The following GCNT4 variants were observed in gnomAD, a reference collection of about 807,000 sequenced individuals.
GCNT4 encodes the protein beta-1,3-galactosyl-O-glycosyl-glycoprotein beta-1,6-N-acetylglucosaminyltransferase 4.
Under a neutral mutation model 31.3 loss-of-function variants are expected in GCNT4, and 17 were observed. The ratio of observed to expected loss-of-function variants is 0.54; its 90% CI spans 0.37 to 0.81. The LOEUF (loss-of-function observed/expected upper bound fraction) is 0.81. GCNT4 is among the 40% of genes least tolerant of loss of function. The pLI, the probability that GCNT4 is intolerant of heterozygous loss-of-function variation, is 0.00. For missense variants in GCNT4, 503 were observed against 525.5 expected, an observed-to-expected ratio of 0.96 and a Z score of 0.42; for synonymous variants, 158 against 190.6, an observed-to-expected ratio of 0.83 and a Z score of 1.41.
chr5:75,040,732 A>G (rs1471191437), intron 3 of GCNT4, among the ~76,000 whole-genome samples: 5 of 152,222 alleles, frequency 3.3e-5, no homozygotes, highest in African/African-American at 4.8e-5. Flanking sequence ...AGAAAGAGTC[A>G]ATGTGTTATA....
chr5:75,041,655 G>A (rs185222329), intron 3 of GCNT4, among the ~76,000 whole-genome samples: 2 of 152,242 alleles, frequency 1.3e-5, no homozygotes, highest in African/African-American at 4.8e-5. Flanking sequence ...GACCTCTCAA[G>A]GTCATTGGAA....
chr5:75,032,565 A>G (rs893132312), intron 3 of GCNT4, among the ~76,000 whole-genome samples: 7 of 152,066 alleles, frequency 4.6e-5, no homozygotes, highest in Admixed American at 1.3e-4. Flanking sequence ...TTTCTTCTCC[A>G]TCCCCGCTGC....
At chr5:75,035,430 G>A (rs1490769033) in intron 3 of GCNT4, among the ~76,000 whole-genome samples, 1 of 152,200 alleles carries the variant, frequency 6.6e-6, no homozygotes, top group Non-Finnish European at 1.5e-5. Context: ...CAGGTTGTGG[G>A]GCACTGGGGA....
Position 75,029,263 on chromosome 5 carries a change from T to G in GCNT4, c.775A>C (p.Asn259His). 6.2e-7 allele frequency: 1 copy of G among 1,614,144 alleles called. No homozygotes were observed. The highest frequency in any genetic ancestry group is 8.5e-7 in the Non-Finnish European group (1 of 1,180,016). Reference protein sequence around the residue: ...ANMLETVKPPNSKLERFTYHH... With the variant: ...ANMLETVKPPHSKLERFTYHH... ...TAAGTGAATCTTTCCAATTTACTGT[T>G]TGGGGGTTTCACCGTCTCCAACATA... Residue 259 changes from asparagine to histidine, a missense_variant, in exon 4 of 4, where the codon AAC (asparagine) becomes CAC (histidine). Transcript: ENST00000652361.
Position 75,028,971 on chromosome 5 carries a change from G to A in GCNT4, c.1067C>T (p.Ala356Val), listed in dbSNP as rs1743004236. 6.2e-7 allele frequency: 1 copy of A among 1,613,826 alleles called. No homozygotes were observed. Among genetic ancestry groups the A allele is most frequent in the African/African-American group, 1.3e-5 (1 of 74,900 alleles). The change falls in exon 4 of 4, where the codon GCC (alanine) becomes GTC (valine). Residue 356 changes from alanine to valine, a missense_variant. Ala to Val is a moderately conservative substitution (Grantham distance 64). Transcript: ENST00000652361. The stretch of plus-strand genomic sequence containing the variant: ...ACTCTGCAGATCAGACACATCCTGG[G>A]CTGATCTGGAAATCTCCCCAGGTAT... ...PGIPGEISRS[A>V]QDVSDLQSKT...
In GCNT4 at chr5:75,029,059, A is replaced by G. The variant is rs1376120946; in HGVS notation, c.979T>C (p.Trp327Arg). 3.7e-5 allele frequency: 60 copies of G among 1,614,198 alleles called. No individual in the cohort carries two copies. Among genetic ancestry groups the G allele is most frequent in the Non-Finnish European group, 5.1e-5 (60 of 1,180,028 alleles). Residue 327 changes from tryptophan (W) to arginine (R), a missense_variant, in exon 4 of 4, where the codon TGG becomes CGG. Coordinates refer to ENST00000652361, the MANE Select transcript of GCNT4 (RefSeq NM_001366737.1). Reference sequence around the variant, plus strand: ...TCAGGAGAGTATGTGTCTTTAGACCAGGCAAAAAAGTCTTGAACGATGGAG... The same window carrying G: ...TCAGGAGAGTATGTGTCTTTAGACCGGGCAAAAAAGTCTTGAACGATGGAG... The part of the protein sequence containing the change: ...NNSIVQDFFA[W>R]SKDTYSPDEH...
Position 75,026,667 on chromosome 5 carries a change from A to AAC in GCNT4, c.*2008_*2009insGT, listed in dbSNP as rs1554061787. ...TCTCACAAAAAAAAAAAAAAAAAAA[A>AAC]AAAAACACTTGTGTGGAAGCAAGGA... is the stretch of plus-strand genomic sequence containing the variant. On this transcript the variant is annotated 3_prime_UTR_variant, in exon 4 of 4. Transcript: ENST00000652361. The AAC allele has an allele frequency of 5.1e-4, 76 of 150,466 alleles. No homozygotes were observed. The highest frequency in any genetic ancestry group is 1.8e-3 in the African/African-American group (73 of 40,378). The allele number at this position is 150,466 out of a possible 1,614,324, so 9.3% of individuals were successfully genotyped here. A position where few individuals can be genotyped will look rare whatever the true frequency, so the allele number is the denominator to read the frequency against.
At chr5:75,022,185 T>A (rs1401134204), downstream of GCNT4, among the ~76,000 whole-genome samples, 1 of 152,226 alleles carries the variant, frequency 6.6e-6, no homozygotes, top group African/African-American at 2.4e-5. Flanking sequence ...AAAATTCATT[T>A]GTTTTTCATT....
At chr5:75,052,917 C>T (rs1688669390), upstream of GCNT4, 1 of 152,260 alleles carries the variant, frequency 6.6e-6, no homozygotes, top group Non-Finnish European at 1.5e-5. Context: ...CTCTGAAGGG[C>T]CAGGACGGCG....
upstream of GCNT4, chr5:75,052,897 C>G (rs1181494602): frequency 1.3e-5 from 2 of 152,424 alleles, no homozygotes; most frequent in Admixed American, 1.3e-4. Context: ...CCAGGCTGGG[C>G]GGCGCTGGGC....
At chr5:75,020,877 C>G (rs7727818), downstream of GCNT4, among the ~76,000 whole-genome samples, 2,949 of 152,112 alleles carry the variant, frequency 0.019, 106 homozygotes, top group African/African-American at 0.065. Flanking sequence ...ATAGGATTGT[C>G]AAAATATTGA....
chr5:75,049,055 C>A (rs1287336722), intron 2 of GCNT4, among the ~76,000 whole-genome samples: 1 of 152,196 alleles, frequency 6.6e-6, no homozygotes, highest in Non-Finnish European at 1.5e-5. Context: ...TCTAAGATTC[C>A]ACTAAGACCC....
intron 3 of GCNT4, among the ~76,000 whole-genome samples, chr5:75,046,425 C>T (rs984046490): frequency 1.3e-5 from 2 of 152,152 alleles, no homozygotes; most frequent in African/African-American, 2.4e-5. Context: ...ACAGGAACTC[C>T]GCTAGGTGTT....
rs1256657591 is a variant in GCNT4, at chr5:75,029,477, G to T, written c.561C>A (p.Phe187Leu). The change falls in exon 4 of 4, where the codon TTC becomes TTA. Residue 187 changes from phenylalanine (F) to leucine (L), a missense_variant. By Grantham distance (22) the Phe-to-Leu change is conservative. Transcript: ENST00000652361. ...CCACAGCCTCTAATTTGGAAGCAAT[G>T]AAAATATTGGAGAAGCACTTAGCTA... ...NNLAKCFSNI[F>L]IASKLEAVEY... 3 of 1,614,084 alleles carry T rather than the reference G, an allele frequency of 1.9e-6. No homozygotes were observed. Among genetic ancestry groups the T allele is most frequent in the Non-Finnish European group, 2.5e-6 (3 of 1,180,016 alleles).
rs1743024941 is a variant in GCNT4, at chr5:75,029,872, C to G, written c.166G>C (p.Val56Leu). 6.2e-7 allele frequency: 1 copy of G among 1,614,018 alleles called. No homozygotes were observed. Among genetic ancestry groups the G allele is most frequent in the African/African-American group, 1.3e-5 (1 of 74,924 alleles). The change falls in exon 4 of 4, where the codon GTA becomes CTA. Residue 56 changes from valine (V) to leucine (L), a missense_variant. Transcript: ENST00000652361. ...VEYSLSTSPF[V>L]RNRYTHVKDE... is the part of the protein sequence containing the mutation. ...TTAACATGAGTGTATCTGTTTCTTA[C>G]AAAAGGCGAGGTACTTAGGGAGTAC...
At chr5:75,032,067 C>T (rs573985939) in intron 3 of GCNT4, among the ~76,000 whole-genome samples, 3 of 152,226 alleles carry the variant, frequency 2.0e-5, no homozygotes, top group Middle Eastern at 3.4e-3. Context: ...AATGAGATCC[C>T]ACCTTCCTCA....
intron 2 of GCNT4, among the ~76,000 whole-genome samples, chr5:75,051,527 C>T (rs964636799): frequency 1.3e-5 from 2 of 152,168 alleles, no homozygotes; most frequent in Non-Finnish European, 2.9e-5. Context: ...TCCCAGCACC[C>T]GTGGGTCAAG....
intron 3 of GCNT4, chr5:75,030,835 C>G (rs1305424985): frequency 3.0e-5 from 5 of 166,964 alleles, no homozygotes; most frequent in Non-Finnish European, 7.3e-5. Flanking sequence ...CAAAGAGGTT[C>G]CCTACAGTGT....
chr5:75,048,959 C>G (rs1246374960), intron 2 of GCNT4, among the ~76,000 whole-genome samples: 1 of 152,178 alleles, frequency 6.6e-6, no homozygotes, highest in African/African-American at 2.4e-5. Flanking sequence ...CCAGGCGATG[C>G]TGATGTAACT....
Sources: gnomAD v4.1 joint callset for allele counts (sites outside exome capture counted in the v4.1 genomes callset) on GRCh38, gnomAD v4.1.1 for gene constraint, MANE v1.5 for transcripts, NCBI Gene and HGNC (gene_info 2026-07-23, HGNC 2026-07-21) for gene names.